EPHA5: variants seen among roughly 807,000 people sequenced by gnomAD.
EPHA5 encodes the protein EPH receptor A5.
EPHA5 carries 60 observed loss-of-function variants against 105.0 expected under a neutral mutation model. The ratio of observed to expected loss-of-function variants is 0.57; its 90% CI spans 0.46 to 0.71. The LOEUF (loss-of-function observed/expected upper bound fraction) is 0.71. EPHA5 is among the 30% of genes least tolerant of loss of function. The probability of loss-of-function intolerance (pLI) is 0.00; values close to 1 mark genes in which losing one functional copy is unlikely to be tolerated. For synonymous variants in EPHA5, 513 were observed against 449.1 expected, an observed-to-expected ratio of 1.14 and a Z score of -1.80; for missense variants, 1,218 against 1,274.7, an observed-to-expected ratio of 0.96 and a Z score of 0.68.
At chr4:65,417,088 G>A (rs1294679181) in intron 6 of EPHA5, among the ~76,000 whole-genome samples, 1 of 152,214 alleles carries the variant, frequency 6.6e-6, no homozygotes, top group Admixed American at 6.5e-5. Flanking sequence ...GAAGGAGCCA[G>A]CTGGCAAACA....
At chr4:65,339,952 A>G (rs1009034216) in intron 14 of EPHA5, among the ~76,000 whole-genome samples, 3 of 152,214 alleles carry the variant, frequency 2.0e-5, no homozygotes, top group Non-Finnish European at 4.4e-5. Flanking sequence ...TATCAACGTT[A>G]TAACAAAGTG....
At chr4:65,494,528 G>GA (rs1469534299) in intron 4 of EPHA5, among the ~76,000 whole-genome samples, 1 of 152,116 alleles carries the variant, frequency 6.6e-6, no homozygotes, top group Non-Finnish European at 1.5e-5. Context: ...GAAAAACTCT[G>GA]AAAGTATTGT....
At chr4:65,437,918 T>G (rs1394280389) in intron 5 of EPHA5, among the ~76,000 whole-genome samples, 1 of 151,954 alleles carries the variant, frequency 6.6e-6, no homozygotes, top group Non-Finnish European at 1.5e-5. Flanking sequence ...AAGCATCATT[T>G]TTTCTCTGTC....
intron 8 of EPHA5, among the ~76,000 whole-genome samples, chr4:65,401,135 T>C (rs1460969526): frequency 6.6e-6 from 1 of 152,026 alleles, no homozygotes; most frequent in East Asian, 1.9e-4. Flanking sequence ...TAATCCTATA[T>C]TTTTACATCT....
At chr4:65,502,110 AC>A (rs1732550590) in intron 3 of EPHA5, among the ~76,000 whole-genome samples, 1 of 151,882 alleles carries the variant, frequency 6.6e-6, no homozygotes, top group Non-Finnish European at 1.5e-5. Context: ...TTCAAGATGA[AC>A]TAAAGACTTA....
At chr4:65,468,647 CAT>C (rs1183655998) in intron 5 of EPHA5, among the ~76,000 whole-genome samples, 9 of 36,892 alleles carry the variant, frequency 2.4e-4, no homozygotes, top group Non-Finnish European at 1.6e-4. Context: ...AACATATATA[CAT>C]ATATATGTAA....
At chr4:65,471,084 A>G (rs1729240222) in intron 5 of EPHA5, among the ~76,000 whole-genome samples, 1 of 152,150 alleles carries the variant, frequency 6.6e-6, no homozygotes, top group East Asian at 1.9e-4. Flanking sequence ...ATTTGTTCTG[A>G]TCATGAGGCA....
chr4:65,440,421 T>G (rs1725895888), intron 5 of EPHA5, among the ~76,000 whole-genome samples: 1 of 151,582 alleles, frequency 6.6e-6, no homozygotes, highest in African/African-American at 2.4e-5. Context: ...AATTTAGTAA[T>G]AATCATACAG....
intron 3 of EPHA5, among the ~76,000 whole-genome samples, chr4:65,527,996 T>A (rs796540162): frequency 5.3e-5 from 8 of 152,256 alleles, no homozygotes; most frequent in African/African-American, 1.9e-4. Context: ...TTTGGTTAAA[T>A]AAATGAATAT....
intron 3 of EPHA5, among the ~76,000 whole-genome samples, chr4:65,522,304 GTATATATATATGTA>G (rs1578326744): frequency 2.0e-5 from 2 of 101,780 alleles, no homozygotes; most frequent in Admixed American, 2.3e-4. Flanking sequence ...ATATGTGTGT[GTATATATATATGTA>G]TATATATATA....
intron 3 of EPHA5, among the ~76,000 whole-genome samples, chr4:65,530,244 G>T (rs1011502833): frequency 3.3e-5 from 5 of 152,020 alleles, no homozygotes; most frequent in Admixed American, 1.3e-4. Flanking sequence ...CATAATCTTG[G>T]CTCAGGTGAA....
At chr4:65,338,522 AC>A (rs1260885348) in intron 14 of EPHA5, among the ~76,000 whole-genome samples, 1 of 151,824 alleles carries the variant, frequency 6.6e-6, no homozygotes, top group Non-Finnish European at 1.5e-5. Flanking sequence ...ACAGATGTTT[AC>A]CTTAAACACC....
chr4:65,584,500 G>A (rs1578495888), intron 3 of EPHA5, among the ~76,000 whole-genome samples: 1 of 151,704 alleles, frequency 6.6e-6, no homozygotes, highest in African/African-American at 2.4e-5. Flanking sequence ...ACTCAAATGT[G>A]ACAAAGCATA....
intron 3 of EPHA5, among the ~76,000 whole-genome samples, chr4:65,597,741 T>G (rs1402552673): frequency 6.6e-6 from 1 of 152,180 alleles, no homozygotes; most frequent in Admixed American, 6.5e-5. Flanking sequence ...AAAACCAGAT[T>G]ACTATGGGTG....
intron 4 of EPHA5, among the ~76,000 whole-genome samples, chr4:65,492,066 C>T (rs1731453857): frequency 6.6e-6 from 1 of 152,054 alleles, no homozygotes; most frequent in South Asian, 2.1e-4. Flanking sequence ...ATCTGTTATC[C>T]TAATATGCAT....
At chr4:65,468,610 TATTA>T (rs200126488) in intron 5 of EPHA5, among the ~76,000 whole-genome samples, 2,025 of 132,088 alleles carry the variant, frequency 0.015, 65 homozygotes, top group African/African-American at 0.046. Context: ...ATATTATATA[TATTA>T]TATATATATG....
intron 1 of EPHA5, among the ~76,000 whole-genome samples, chr4:65,644,684 T>C (rs911877622): frequency 1.7e-4 from 26 of 152,038 alleles, no homozygotes; most frequent in Non-Finnish European, 1.6e-4. Context: ...CATTTAACTA[T>C]TATTATGCAT....
At chr4:65,386,382 G>A (rs575840146) in intron 8 of EPHA5, among the ~76,000 whole-genome samples, 3 of 151,896 alleles carry the variant, frequency 2.0e-5, no homozygotes, top group Non-Finnish European at 4.4e-5. Flanking sequence ...ATGTACCATT[G>A]AGGGGAATGC....
At chr4:65,387,380 T>C (rs940804092) in intron 8 of EPHA5, among the ~76,000 whole-genome samples, 1 of 151,964 alleles carries the variant, frequency 6.6e-6, no homozygotes, top group Non-Finnish European at 1.5e-5. Flanking sequence ...ATATTTGAGA[T>C]ATACAGAAGT....
Sources: gnomAD v4.1 joint callset for allele counts (sites outside exome capture counted in the v4.1 genomes callset) on GRCh38, gnomAD v4.1.1 for gene constraint, MANE v1.5 for transcripts, NCBI Gene and HGNC (gene_info 2026-07-23, HGNC 2026-07-21) for gene names.